DIS3L2: variants seen among roughly 807,000 people sequenced by gnomAD.
The protein encoded by DIS3L2 is DIS3-like exonuclease 2.
In DIS3L2, 34 loss-of-function variants were observed where a neutral mutation model predicts 97.5. The ratio of observed to expected loss-of-function variants is 0.35; its 90% confidence interval spans 0.27 to 0.46. The LOEUF is 0.46. Among genes scored for constraint, DIS3L2 ranks in the 20% least tolerant of loss-of-function variants. DIS3L2 has a pLI of 1.00. For synonymous variants in DIS3L2, 435 were observed against 445.2 expected, an observed-to-expected ratio of 0.98 and a Z score of 0.29; for missense variants, 1,038 against 1,146.0, an observed-to-expected ratio of 0.91 and a Z score of 1.36.
chr2:231,991,080 A>AT (rs967683665), intron 1 of DIS3L2, among the ~76,000 whole-genome samples: 6 of 150,016 alleles, frequency 4.0e-5, no homozygotes, highest in African/African-American at 1.5e-4. Context: ...TAATTTTTGT[A>AT]TTTTTTTGTA....
chr2:232,205,627 G>A lies in DIS3L2; in HGVS notation c.1125-4699G>A, dbSNP rs1369224616. On this transcript the variant is annotated intron_variant, in intron 9 of 20. Coordinates refer to ENST00000325385, the MANE Select transcript of DIS3L2 (RefSeq NM_152383.5). ...AGTGTTTTTTTAAAAATTAGGAAAT[G>A]AGGTAAAAGGAACACGTGAGTAGGA... Among the ~76,000 whole-genome samples, 4 of 152,080 alleles carry A rather than the reference G, an allele frequency of 2.6e-5. No individual in the cohort carries two copies. The South Asian group carries it at 6.2e-4, about 24-fold the overall frequency.
intron 13 of DIS3L2, among the ~76,000 whole-genome samples, chr2:232,283,869 T>A (rs1694359747): frequency 6.6e-6 from 1 of 152,126 alleles, no homozygotes; most frequent in South Asian, 2.1e-4. Flanking sequence ...GTTACACAAA[T>A]GTACGTGTGT....
At position 232,099,177 on chromosome 2, in the gene DIS3L2, A is replaced by G. The variant is rs116135970; in HGVS notation, c.601+11456A>G. On this transcript the variant is annotated intron_variant, in intron 6 of 20. Coordinates refer to ENST00000325385, the MANE Select transcript of DIS3L2 (RefSeq NM_152383.5). ...TGATATGTCATTATTTTAAAAATACATGATTGGATTCACTTAGGTAATATT... is the reference window on the plus strand; with the variant it reads ...TGATATGTCATTATTTTAAAAATACGTGATTGGATTCACTTAGGTAATATT... 2.8e-3 allele frequency among the ~76,000 whole-genome samples: 427 copies of G among 151,296 alleles called. 1 individual carries two copies. Among genetic ancestry groups the G allele is most frequent in the Non-Finnish European group, 4.7e-3 (317 of 67,866 alleles).
At chr2:232,088,528 C>T (rs1696737336) in intron 6 of DIS3L2, among the ~76,000 whole-genome samples, 1 of 150,938 alleles carries the variant, frequency 6.6e-6, no homozygotes, top group Non-Finnish European at 1.5e-5. Flanking sequence ...TGCCACTGCA[C>T]TCCAGCCTGG....
At chr2:232,216,586 A>AT (rs368432805) in intron 10 of DIS3L2, among the ~76,000 whole-genome samples, 29 of 145,112 alleles carry the variant, frequency 2.0e-4, no homozygotes, top group South Asian at 1.3e-3. Flanking sequence ...CCACCTTTCC[A>AT]TTTTTTTTTT....
At chr2:232,064,036 T>TA (rs1257692629) in intron 5 of DIS3L2, among the ~76,000 whole-genome samples, 1 of 151,880 alleles carries the variant, frequency 6.6e-6, no homozygotes, top group African/African-American at 2.4e-5. Context: ...GGCTTTGGTA[T>TA]AAAAAAAAAT....
At chr2:232,206,978 G>A (rs560334543) in intron 9 of DIS3L2, among the ~76,000 whole-genome samples, 2 of 152,250 alleles carry the variant, frequency 1.3e-5, no homozygotes, top group East Asian at 3.9e-4. Flanking sequence ...AAGTCTCAAA[G>A]CACCCAGAGA....
intron 6 of DIS3L2, among the ~76,000 whole-genome samples, chr2:232,090,617 G>T (rs1696808351): frequency 6.6e-6 from 1 of 152,214 alleles, no homozygotes; most frequent in Admixed American, 6.5e-5. Flanking sequence ...ACTATTTAGG[G>T]TTTTGAAGTT....
At chr2:232,019,783 C>T (rs898099162) in intron 3 of DIS3L2, among the ~76,000 whole-genome samples, 1 of 151,624 alleles carries the variant, frequency 6.6e-6, no homozygotes, top group Non-Finnish European at 1.5e-5. Context: ...CAGTGCCAAG[C>T]GTATACCAGT....
At chr2:232,104,623 T>C (rs1435552382) in intron 6 of DIS3L2, among the ~76,000 whole-genome samples, 1 of 152,198 alleles carries the variant, frequency 6.6e-6, no homozygotes, top group Non-Finnish European at 1.5e-5. Flanking sequence ...TTCCTCTCTA[T>C]AAATTTTCCT....
At chr2:231,967,271 T>C (rs1000189022) in intron 1 of DIS3L2, among the ~76,000 whole-genome samples, 1 of 152,342 alleles carries the variant, frequency 6.6e-6, no homozygotes, top group East Asian at 1.9e-4. Context: ...ATAATGCTAA[T>C]TGAAGAATTC....
intron 13 of DIS3L2, among the ~76,000 whole-genome samples, chr2:232,289,976 T>A (rs1434293148): frequency 1.3e-5 from 2 of 152,250 alleles, no homozygotes; most frequent in Non-Finnish European, 2.9e-5. Context: ...TGCACAACCA[T>A]CTCTGTGCAT....
At chr2:232,134,842 T>C (rs944862170) in intron 7 of DIS3L2, among the ~76,000 whole-genome samples, 1 of 150,314 alleles carries the variant, frequency 6.7e-6, no homozygotes, top group African/African-American at 2.4e-5. Context: ...AAAAAAAAAG[T>C]GTGCATGTGG....
intron 6 of DIS3L2, 86 bp downstream of exon 6, chr2:232,087,807 C>G: frequency 9.2e-7 from 1 of 1,088,360 alleles, no homozygotes; most frequent in Non-Finnish European, 1.3e-6. Context: ...GTAAATAACA[C>G]AATGCCATTG....
intron 5 of DIS3L2, among the ~76,000 whole-genome samples, chr2:232,036,351 T>C (rs1370783446): frequency 6.6e-6 from 1 of 152,094 alleles, no homozygotes; most frequent in Non-Finnish European, 1.5e-5. Context: ...GTTCTCATGC[T>C]GTGTTTTTTA....
intron 14 of DIS3L2, among the ~76,000 whole-genome samples, chr2:232,317,382 A>G (rs1695304845): frequency 1.3e-5 from 2 of 152,016 alleles, no homozygotes; most frequent in Admixed American, 1.3e-4. Context: ...AGTATGCAGT[A>G]TTTGCTCTTT....
chr2:232,044,032 T>C (rs764017439), intron 5 of DIS3L2, among the ~76,000 whole-genome samples: 10 of 152,198 alleles, frequency 6.6e-5, no homozygotes, highest in Non-Finnish European at 1.0e-4. Flanking sequence ...ACTACAGATA[T>C]TATTTTATTT....
At chr2:232,008,709 G>GGCAAAACTTGAATTTT (rs1694117081) in intron 1 of DIS3L2, among the ~76,000 whole-genome samples, 1 of 152,068 alleles carries the variant, frequency 6.6e-6, no homozygotes, top group African/African-American at 2.4e-5. Context: ...GCTGAGGATC[G>GGCAAAACTTGAATTTT]GCAAAACTTG....
intron 9 of DIS3L2, among the ~76,000 whole-genome samples, chr2:232,174,856 T>A (rs950927516): frequency 2.6e-5 from 4 of 151,508 alleles, no homozygotes; most frequent in African/African-American, 9.8e-5. Flanking sequence ...TGTTTTTTTG[T>A]TTTGAGACAG....
Sources: gnomAD v4.1 joint callset for allele counts (sites outside exome capture counted in the v4.1 genomes callset) on GRCh38, gnomAD v4.1.1 for gene constraint, MANE v1.5 for transcripts, NCBI Gene and HGNC (gene_info 2026-07-23, HGNC 2026-07-21) for gene names.